The following EXOC4 variants were observed in gnomAD, a reference collection of about 807,000 sequenced individuals.
EXOC4 encodes exocyst complex component 4.
A neutral mutation model predicts 107.2 loss-of-function variants in EXOC4; 71 were observed. The observed-to-expected ratio is 0.66, with a 90% CI of 0.55 to 0.81. EXOC4 has a LOEUF of 0.81. Ranked by LOEUF, EXOC4 falls within the 30% of genes least tolerant of loss-of-function variation. The pLI is 0.00. For missense variants in EXOC4, 1,108 were observed against 1,189.6 expected, an observed-to-expected ratio of 0.93 and a Z score of 1.01; for synonymous variants, 456 against 441.2, an observed-to-expected ratio of 1.03 and a Z score of -0.42.
At position 133,499,882 on chromosome 7, in the gene EXOC4, G is replaced by C. The variant is rs78886990; in HGVS notation, c.1417+19744G>C. Among the ~76,000 whole-genome samples the C allele has an allele frequency of 2.9e-4, 44 of 152,238 alleles. 1 individual carries two copies. In the East Asian group the frequency reaches 8.3e-3, roughly 29 times the overall value. ...CGCTATGCTTCCTGCACAGCCTCCA[G>C]AACTGTGAGCCAGTTAAACCTCTTT... On this transcript the variant is annotated intron_variant, in intron 9 of 17. Coordinates refer to ENST00000253861, the MANE Select transcript of EXOC4 (RefSeq NM_021807.4).
chr7:133,470,364 G>T (rs1230746329), intron 7 of EXOC4, among the ~76,000 whole-genome samples: 1 of 152,120 alleles, frequency 6.6e-6, no homozygotes, highest in Non-Finnish European at 1.5e-5. Context: ...CAAAATTTTT[G>T]TCCTGCTTTA....
chr7:133,311,772 T>C (rs1563013366), intron 4 of EXOC4, among the ~76,000 whole-genome samples: 1 of 152,204 alleles, frequency 6.6e-6, no homozygotes, highest in Non-Finnish European at 1.5e-5. Flanking sequence ...CATGCAGATA[T>C]TTGTAAGCTC....
intron 10 of EXOC4, among the ~76,000 whole-genome samples, chr7:133,769,869 C>CCAT (rs965876501): frequency 6.1e-4 from 93 of 151,856 alleles, no homozygotes; most frequent in African/African-American, 2.2e-3. Context: ...GTTCTATTTC[C>CCAT]CATCCTTTTT....
At chr7:133,268,292 G>A (rs976550749) in intron 1 of EXOC4, among the ~76,000 whole-genome samples, 2 of 152,136 alleles carry the variant, frequency 1.3e-5, no homozygotes, top group African/African-American at 4.8e-5. Flanking sequence ...TATGTGGATG[G>A]CTCTTGTTTG....
intron 10 of EXOC4, among the ~76,000 whole-genome samples, chr7:133,655,046 A>G (rs1029012616): frequency 3.3e-5 from 5 of 152,150 alleles, no homozygotes; most frequent in Admixed American, 6.5e-5. Flanking sequence ...CGTGAATGTG[A>G]AGGTCTAGGA....
chr7:133,532,325 G>A (rs76292526), intron 9 of EXOC4, among the ~76,000 whole-genome samples: 6,174 of 152,022 alleles, frequency 0.041, 430 homozygotes, highest in African/African-American at 0.14. Flanking sequence ...AACGTAAAAG[G>A]AGGGATGGGC....
chr7:133,721,294 A>G (rs1795100004), intron 10 of EXOC4, among the ~76,000 whole-genome samples: 1 of 152,210 alleles, frequency 6.6e-6, no homozygotes, highest in Non-Finnish European at 1.5e-5. Flanking sequence ...TCAAAACATT[A>G]TCAGACATAC....
At chr7:133,798,204 T>G (rs1796856153) in intron 10 of EXOC4, among the ~76,000 whole-genome samples, 1 of 152,104 alleles carries the variant, frequency 6.6e-6, no homozygotes, top group Non-Finnish European at 1.5e-5. Flanking sequence ...ATTTCTTATT[T>G]GTAAGTTAGG....
chr7:134,070,190 G>C (rs1796253864), downstream of EXOC4, among the ~76,000 whole-genome samples: 1 of 152,174 alleles, frequency 6.6e-6, no homozygotes, highest in South Asian at 2.1e-4. Flanking sequence ...GAATCACTAG[G>C]CTCGGCAAGG....
chr7:133,532,098 G>A (rs955442940), intron 9 of EXOC4, among the ~76,000 whole-genome samples: 1 of 151,910 alleles, frequency 6.6e-6, no homozygotes, highest in Admixed American at 6.6e-5. Flanking sequence ...TTGTAGTGTC[G>A]TAACGATGCT....
intron 5 of EXOC4, among the ~76,000 whole-genome samples, chr7:133,347,714 A>G (rs1325262166): frequency 6.6e-6 from 1 of 152,144 alleles, no homozygotes; most frequent in African/African-American, 2.4e-5. Flanking sequence ...ATACATACCA[A>G]TATATCCATA....
intron 10 of EXOC4, among the ~76,000 whole-genome samples, chr7:133,802,598 C>T (rs572008353): frequency 3.0e-4 from 46 of 152,218 alleles, no homozygotes; most frequent in Non-Finnish European, 4.9e-4. Context: ...GTGGCTCACA[C>T]CTGTAATTTC....
intron 17 of EXOC4, among the ~76,000 whole-genome samples, chr7:134,032,355 C>T (rs1795289649): frequency 6.6e-6 from 1 of 152,212 alleles, no homozygotes; most frequent in Non-Finnish European, 1.5e-5. Flanking sequence ...AGCTGCAAGC[C>T]TGTTCTTACT....
At chr7:133,319,525 T>C (rs1336249956) in intron 5 of EXOC4, among the ~76,000 whole-genome samples, 1 of 152,190 alleles carries the variant, frequency 6.6e-6, no homozygotes, top group Non-Finnish European at 1.5e-5. Context: ...GTTTCACTCT[T>C]GTGGCCCGAG....
chr7:133,842,333 G>T (rs997862346), intron 11 of EXOC4, among the ~76,000 whole-genome samples: 2 of 152,084 alleles, frequency 1.3e-5, no homozygotes, highest in African/African-American at 4.8e-5. Flanking sequence ...CTTTTTAGTA[G>T]TAGCCATTCT....
At chr7:133,862,079 T>C (rs1224793510) in intron 11 of EXOC4, among the ~76,000 whole-genome samples, 3 of 152,064 alleles carry the variant, frequency 2.0e-5, no homozygotes, top group Non-Finnish European at 4.4e-5. Flanking sequence ...GCTGTGTACC[T>C]AGCTTTGGGA....
In EXOC4 at chr7:133,855,118, T is replaced by TATATAA. The variant is rs1554409789; in HGVS notation, c.1734+37579_1734+37580insAATATA. Among the ~76,000 whole-genome samples the TATATAA allele has an allele frequency of 3.9e-3, 373 of 94,712 alleles. 7 individuals are homozygous for TATATAA. The highest frequency in any genetic ancestry group is 0.016 in the African/African-American group (320 of 19,914). 62.1% of individuals were successfully genotyped at this position (94,712 alleles called of 152,430 possible). A position where few individuals can be genotyped will look rare whatever the true frequency, so the allele number is the denominator to read the frequency against. ...ATATATATATAAATATATATAAATATATATATATAAATATATATATATATA... is the reference window on the plus strand; with the variant it reads ...ATATATATATAAATATATATAAATATATATAAATATATATAAATATATATATATATA... On this transcript the variant is annotated intron_variant, in intron 11 of 17. Transcript: ENST00000253861.
chr7:133,846,913 T>A (rs916418611), intron 11 of EXOC4, among the ~76,000 whole-genome samples: 3 of 152,270 alleles, frequency 2.0e-5, no homozygotes, highest in African/African-American at 7.2e-5. Context: ...CATACTTTTG[T>A]ATGTATTTGT....
chr7:134,018,738 T>C (rs951930994), intron 17 of EXOC4, among the ~76,000 whole-genome samples: 2 of 152,230 alleles, frequency 1.3e-5, no homozygotes, highest in African/African-American at 4.8e-5. Context: ...ATGTTCTCTC[T>C]CTACTGAATT....
Sources: allele counts gnomAD v4.1 joint callset (sites outside exome capture counted in the v4.1 genomes callset), GRCh38; gene constraint gnomAD v4.1.1; transcripts MANE v1.5; gene names NCBI Gene and HGNC (gene_info 2026-07-23, HGNC 2026-07-21).